The following FKBP1B variants were observed in gnomAD, a reference collection of about 807,000 sequenced individuals.
FKBP1B encodes the protein peptidyl-prolyl cis-trans isomerase FKBP1B.
FKBP1B carries 4 observed loss-of-function variants against 13.5 expected under a neutral mutation model. The observed-to-expected ratio is 0.30, with a 90% CI of 0.15 to 0.68. The LOEUF (loss-of-function observed/expected upper bound fraction) is 0.68, where lower values mean the gene tolerates loss of function less well. Ranked by LOEUF, FKBP1B falls within the 30% of genes least tolerant of loss-of-function variation. The pLI is 0.76. For synonymous variants in FKBP1B, 54 were observed against 53.6 expected, an observed-to-expected ratio of 1.01 and a Z score of -0.03; for missense variants, 93 against 136.2, an observed-to-expected ratio of 0.68 and a Z score of 1.58.
the FKBP1B span, among the ~76,000 whole-genome samples, chr2:24,035,514 C>T: frequency 1.3e-5 from 2 of 151,450 alleles, no homozygotes; most frequent in African/African-American, 4.9e-5. Flanking sequence ...AAATGAATTA[C>T]CTATTAAAAA....
upstream of FKBP1B, among the ~76,000 whole-genome samples, chr2:24,048,541 C>T (rs369521172): frequency 6.7e-6 from 1 of 149,692 alleles, no homozygotes. Context: ...TGGTCTTGAA[C>T]TTCTAGGCTC....
At chr2:24,057,610 T>A (rs962091451) in intron 2 of FKBP1B, among the ~76,000 whole-genome samples, 2 of 152,006 alleles carry the variant, frequency 1.3e-5, no homozygotes, top group Non-Finnish European at 2.9e-5. Context: ...CTACCTCAGG[T>A]GATCTGCTCG....
At chr2:24,045,631 G>GAGAGAGGAAGGAAGGAAGGAAGGAAGGA (rs1553318652), upstream of FKBP1B, among the ~76,000 whole-genome samples, 11 of 106,152 alleles carry the variant, frequency 1.0e-4, no homozygotes, top group African/African-American at 1.4e-4. Flanking sequence ...GAGAGAGAGA[G>GAGAGAGGAAGGAAGGAAGGAAGGAAGGA]AGGAAGGAAG....
intron 2 of FKBP1B, among the ~76,000 whole-genome samples, chr2:24,059,103 A>C (rs1382100556): frequency 6.6e-6 from 1 of 152,202 alleles, no homozygotes; most frequent in Non-Finnish European, 1.5e-5. Flanking sequence ...AATGAGTTAG[A>C]GCCAGAGTGA....
the FKBP1B span, chr2:24,038,406 T>C: frequency 1.1e-4 from 180 of 1,614,178 alleles, no homozygotes; most frequent in Admixed American, 4.8e-4. Flanking sequence ...AGATCAAAAT[T>C]ATATTACAAG....
Position 24,063,466 on chromosome 2 carries a change from A to T in FKBP1B, c.*274A>T. ...TAGTAGCCTTTCCTGATGACAGAAC[A>T]CAGATCTCTTGTTCGCACAATCTAC... On this transcript the variant is annotated 3_prime_UTR_variant, in exon 4 of 4. Coordinates refer to ENST00000380986, the MANE Select transcript of FKBP1B (RefSeq NM_004116.5). 1 of 406,012 alleles carries T rather than the reference A, an allele frequency of 2.5e-6. No homozygotes were observed. Among genetic ancestry groups the T allele is most frequent in the Non-Finnish European group, 4.4e-6 (1 of 227,584 alleles). 25.2% of individuals were successfully genotyped at this position (406,012 alleles called of 1,614,324 possible).
At chr2:24,057,784 T>A (rs566512185) in intron 2 of FKBP1B, among the ~76,000 whole-genome samples, 1 of 152,264 alleles carries the variant, frequency 6.6e-6, no homozygotes, top group African/African-American at 2.4e-5. Context: ...CCCAAAGTGC[T>A]AGTATTACAG....
the FKBP1B span, chr2:24,039,210 C>CT: frequency 6.2e-7 from 1 of 1,614,224 alleles, no homozygotes; most frequent in Non-Finnish European, 8.5e-7. Context: ...TGCTTGACTC[C>CT]ATAGGGCTGG....
At chr2:24,038,394 G>C in the FKBP1B span, 11 of 1,614,074 alleles carry the variant, frequency 6.8e-6, no homozygotes, top group Non-Finnish European at 9.3e-6. Flanking sequence ...GAATGACAGA[G>C]TAGATCAAAA....
At chr2:24,057,631 C>T (rs1664193907) in intron 2 of FKBP1B, among the ~76,000 whole-genome samples, 1 of 152,074 alleles carries the variant, frequency 6.6e-6, no homozygotes, top group African/African-American at 2.4e-5. Context: ...CCTCGGCCTC[C>T]CAAAGTGCTG....
At chr2:24,060,681 A>C (rs190711437) in intron 2 of FKBP1B, 133 bp from the exon 3 acceptor site, 256 of 648,692 alleles carry the variant, frequency 3.9e-4, no homozygotes, top group Admixed American at 8.9e-4. Flanking sequence ...TGCTTGGGCA[A>C]CAGGATGGAT....
At chr2:24,054,050 A>G (rs1664006283) in intron 2 of FKBP1B, 101 bp downstream of exon 2, 1 of 1,159,156 alleles carries the variant, frequency 8.6e-7, no homozygotes, top group South Asian at 1.2e-5. Context: ...GATCAGGGCT[A>G]AAGCCCAAGG....
the FKBP1B span, chr2:24,037,708 TGA>T: frequency 6.2e-7 from 1 of 1,613,630 alleles, no homozygotes; most frequent in Non-Finnish European, 8.5e-7. Flanking sequence ...AGGAAGATCT[TGA>T]GAGAGTGGAT....
chr2:24,056,258 G>A (rs1664121959), intron 2 of FKBP1B, among the ~76,000 whole-genome samples: 2 of 152,142 alleles, frequency 1.3e-5, no homozygotes, highest in African/African-American at 4.8e-5. Context: ...TCAAAGTGCT[G>A]GGATTACAGG....
At chr2:24,046,786 C>A (rs1047454545), upstream of FKBP1B, among the ~76,000 whole-genome samples, 1 of 152,150 alleles carries the variant, frequency 6.6e-6, no homozygotes, top group Admixed American at 6.5e-5. Flanking sequence ...TATGACTAAT[C>A]CCTCTAGACT....
chr2:24,036,386 A>G, the FKBP1B span, among the ~76,000 whole-genome samples: 1 of 151,928 alleles, frequency 6.6e-6, no homozygotes, highest in Non-Finnish European at 1.5e-5. Flanking sequence ...ATGTGCTTGT[A>G]GTCTCAGCTG....
chr2:24,037,625 C>G, the FKBP1B span: 5 of 1,518,386 alleles, frequency 3.3e-6, no homozygotes, highest in African/African-American at 6.9e-5. Context: ...GCAGTACTCA[C>G]CGGCTGCAGG....
upstream of FKBP1B, chr2:24,045,910 T>C (rs943917570): frequency 2.0e-5 from 3 of 152,188 alleles, no homozygotes; most frequent in South Asian, 2.1e-4. Flanking sequence ...AGGGATGACT[T>C]GCAAATTTGT....
upstream of FKBP1B, among the ~76,000 whole-genome samples, chr2:24,045,337 C>G (rs1279459693): frequency 6.6e-6 from 1 of 152,150 alleles, no homozygotes; most frequent in Non-Finnish European, 1.5e-5. Flanking sequence ...TGTGGTGCCT[C>G]ATGCCTGTAA....
Sources: allele counts gnomAD v4.1 joint callset (sites outside exome capture counted in the v4.1 genomes callset), GRCh38; gene constraint gnomAD v4.1.1; transcripts MANE v1.5; gene names NCBI Gene and HGNC (gene_info 2026-07-23, HGNC 2026-07-21).